SPAG16: variants seen among roughly 807,000 people sequenced by gnomAD.
The protein encoded by SPAG16 is sperm associated antigen 16.
In SPAG16, 86 loss-of-function variants were observed where a neutral mutation model predicts 80.4. The observed-to-expected ratio is 1.07, with a 90% CI of 0.90 to 1.28. The LOEUF (loss-of-function observed/expected upper bound fraction) is 1.28, where lower values mean the gene tolerates loss of function less well. Among genes scored for constraint, SPAG16 ranks in the 50% most tolerant of loss-of-function variants. The pLI, the probability that SPAG16 is intolerant of heterozygous loss-of-function variation, is 0.00. For synonymous variants in SPAG16, 294 were observed against 265.9 expected, an observed-to-expected ratio of 1.11 and a Z score of -1.03; for missense variants, 870 against 765.3, an observed-to-expected ratio of 1.14 and a Z score of -1.61.
chr2:213,893,569 A>G (rs2076872494), intron 11 of SPAG16, among the ~76,000 whole-genome samples: 1 of 152,102 alleles, frequency 6.6e-6, no homozygotes, highest in Non-Finnish European at 1.5e-5. Flanking sequence ...AAGAGCCAAA[A>G]TGTATGTGTG....
At chr2:213,804,682 CAACTAACTAACTAACTAACTAACTAACT>C (rs75058174) in intron 10 of SPAG16, among the ~76,000 whole-genome samples, 4 of 148,610 alleles carry the variant, frequency 2.7e-5, no homozygotes, top group Non-Finnish European at 5.9e-5. Context: ...GACTCCGTCT[CAACTAACTAACTAACTAACTAACTAACT>C]AACTAACTAA....
intron 10 of SPAG16, among the ~76,000 whole-genome samples, chr2:213,490,869 T>C (rs959118828): frequency 2.0e-5 from 3 of 152,174 alleles, no homozygotes; most frequent in African/African-American, 7.2e-5. Flanking sequence ...TGTTTTGTAA[T>C]TGCTCCTATT....
intron 15 of SPAG16, among the ~76,000 whole-genome samples, chr2:214,162,930 CA>C (rs2125607659): frequency 6.6e-6 from 1 of 152,102 alleles, no homozygotes; most frequent in East Asian, 1.9e-4. Flanking sequence ...CTTGTTTAGG[CA>C]AAAAATGCAT....
intron 12 of SPAG16, among the ~76,000 whole-genome samples, chr2:213,970,192 G>A (rs2044952578): frequency 6.6e-6 from 1 of 152,008 alleles, no homozygotes; most frequent in South Asian, 2.1e-4. Flanking sequence ...TCTTGCATTG[G>A]AGATTAGGTT....
intron 9 of SPAG16, among the ~76,000 whole-genome samples, chr2:213,428,880 A>G (rs1194025221): frequency 6.6e-6 from 1 of 152,070 alleles, no homozygotes; most frequent in East Asian, 1.9e-4. Flanking sequence ...TCACGAGGTC[A>G]GTAGTTTGAG....
At chr2:214,134,841 G>C (rs2054962807) in intron 14 of SPAG16, among the ~76,000 whole-genome samples, 1 of 152,152 alleles carries the variant, frequency 6.6e-6, no homozygotes, top group Non-Finnish European at 1.5e-5. Context: ...CTCAGTGTGA[G>C]CTCCAGAAAC....
intron 1 of SPAG16, among the ~76,000 whole-genome samples, chr2:213,288,435 G>T (rs1333887386): frequency 6.6e-6 from 1 of 151,826 alleles, no homozygotes; most frequent in Non-Finnish European, 1.5e-5. Flanking sequence ...CTCCCGAGTA[G>T]CTGGGACTAC....
intron 15 of SPAG16, among the ~76,000 whole-genome samples, chr2:214,258,771 C>T (rs143495886): frequency 1.8e-4 from 28 of 151,660 alleles, no homozygotes; most frequent in African/African-American, 5.8e-4. Context: ...TATCTTCAGC[C>T]GCCTTCCTTT....
chr2:213,702,533 A>T (rs1007382386), intron 10 of SPAG16, among the ~76,000 whole-genome samples: 5 of 152,200 alleles, frequency 3.3e-5, no homozygotes, highest in Non-Finnish European at 5.9e-5. Flanking sequence ...GCGAGGGTCC[A>T]CAGCTTCATT....
At chr2:213,543,281 T>C (rs1267456175) in intron 10 of SPAG16, among the ~76,000 whole-genome samples, 2 of 152,070 alleles carry the variant, frequency 1.3e-5, no homozygotes, top group African/African-American at 2.4e-5. Context: ...TATTTCTCTA[T>C]TAGACTCTCA....
chr2:213,522,023 A>G (rs552364069), intron 10 of SPAG16, among the ~76,000 whole-genome samples: 1 of 152,366 alleles, frequency 6.6e-6, no homozygotes, highest in South Asian at 2.1e-4. Context: ...AATAAATGGA[A>G]TTAGGGAACT....
At chr2:213,535,154 AC>A (rs1401412685) in intron 10 of SPAG16, among the ~76,000 whole-genome samples, 6 of 152,096 alleles carry the variant, frequency 3.9e-5, no homozygotes, top group African/African-American at 1.4e-4. Flanking sequence ...AATATCCAGA[AC>A]CCAACAATGT....
At chr2:213,903,283 A>G (rs536712187) in intron 11 of SPAG16, among the ~76,000 whole-genome samples, 9 of 152,266 alleles carry the variant, frequency 5.9e-5, no homozygotes, top group African/African-American at 2.2e-4. Context: ...GAGGTTTTCC[A>G]TGGGCATCCC....
chr2:213,366,831 A>G (rs1018198576), intron 8 of SPAG16, among the ~76,000 whole-genome samples: 9 of 152,104 alleles, frequency 5.9e-5, no homozygotes, highest in Non-Finnish European at 1.3e-4. Flanking sequence ...ATACAGGTGC[A>G]CAACATACAG....
intron 15 of SPAG16, among the ~76,000 whole-genome samples, chr2:214,352,280 A>T (rs1420330065): frequency 6.6e-6 from 1 of 152,248 alleles, no homozygotes; most frequent in Non-Finnish European, 1.5e-5. Flanking sequence ...CAGATATTCT[A>T]ATCATGTCCT....
At chr2:213,894,117 T>G (rs2106092511) in intron 11 of SPAG16, among the ~76,000 whole-genome samples, 1 of 152,154 alleles carries the variant, frequency 6.6e-6, no homozygotes, top group African/African-American at 2.4e-5. Context: ...TAAAATAAAC[T>G]ACAGATTAAA....
chr2:213,380,164 G>A (rs927123030), intron 9 of SPAG16, among the ~76,000 whole-genome samples: 1 of 152,112 alleles, frequency 6.6e-6, no homozygotes, highest in African/African-American at 2.4e-5. Context: ...TCACACATCT[G>A]ACCATTTCTC....
At chr2:213,512,472 T>C (rs2075266821) in intron 10 of SPAG16, among the ~76,000 whole-genome samples, 1 of 152,144 alleles carries the variant, frequency 6.6e-6, no homozygotes, top group South Asian at 2.1e-4. Context: ...CCTATATAAT[T>C]ACTGGAAAAA....
intron 10 of SPAG16, among the ~76,000 whole-genome samples, chr2:213,762,379 A>G (rs1412260282): frequency 6.6e-6 from 1 of 152,198 alleles, no homozygotes; most frequent in Non-Finnish European, 1.5e-5. Context: ...TGTTCATTTT[A>G]CCACGATAAA....
Sources: gnomAD v4.1 joint callset for allele counts (sites outside exome capture counted in the v4.1 genomes callset) on GRCh38, gnomAD v4.1.1 for gene constraint, MANE v1.5 for transcripts, NCBI Gene and HGNC (gene_info 2026-07-23, HGNC 2026-07-21) for gene names.